Variants in SCAPER observed in about 807,000 individuals in gnomAD.
SCAPER encodes S-phase cyclin A associated protein in the ER.
SCAPER carries 98 observed loss-of-function variants against 182.2 expected under a neutral mutation model. The ratio of observed to expected loss-of-function variants is 0.54; its 90% confidence interval spans 0.46 to 0.64. SCAPER has a LOEUF of 0.64. Ranked by LOEUF, SCAPER falls within the 30% of genes least tolerant of loss-of-function variation. The pLI is 0.00. For missense variants in SCAPER, 1,432 were observed against 1,690.0 expected, an observed-to-expected ratio of 0.85 and a Z score of 2.68; for synonymous variants, 605 against 564.6, an observed-to-expected ratio of 1.07 and a Z score of -1.01.
intron 17 of SCAPER, among the ~76,000 whole-genome samples, chr15:76,711,784 G>C (rs2059588801): frequency 1.3e-5 from 2 of 151,946 alleles, no homozygotes; most frequent in South Asian, 4.1e-4. Context: ...TGATGGGGTT[G>C]TTTGTTTTTT....
At chr15:76,630,424 A>G (rs1336613654) in intron 21 of SCAPER, among the ~76,000 whole-genome samples, 2 of 151,850 alleles carry the variant, frequency 1.3e-5, no homozygotes, top group African/African-American at 4.8e-5. Context: ...TAGGTTTTTG[A>G]TGTGGGTATT....
chr15:76,800,508 C>G, intron 6 of SCAPER, 144 bp from the exon 7 acceptor site: 1 of 647,700 alleles, frequency 1.5e-6, no homozygotes, highest in Non-Finnish European at 2.7e-6. Context: ...GCAAATGTTC[C>G]CCTAGAGCAT....
intron 20 of SCAPER, among the ~76,000 whole-genome samples, chr15:76,675,512 A>G (rs1246155284): frequency 6.6e-6 from 1 of 152,214 alleles, no homozygotes; most frequent in Non-Finnish European, 1.5e-5. Context: ...AGGCTATGGA[A>G]CAGGACAAAA....
intron 23 of SCAPER, among the ~76,000 whole-genome samples, chr15:76,507,997 T>C (rs574275269): frequency 3.7e-4 from 57 of 152,326 alleles, no homozygotes; most frequent in African/African-American, 1.3e-3. Context: ...TGAAAACAAA[T>C]TGAACACATT....
chr15:76,724,573 T>C (rs558552560), intron 17 of SCAPER, among the ~76,000 whole-genome samples: 3 of 152,208 alleles, frequency 2.0e-5, no homozygotes, highest in East Asian at 3.8e-4. Context: ...CAATGAGACG[T>C]AGATTTGGTC....
At chr15:76,781,630 A>C (rs1216716556) in intron 8 of SCAPER, among the ~76,000 whole-genome samples, 3 of 152,242 alleles carry the variant, frequency 2.0e-5, no homozygotes, top group African/African-American at 7.2e-5. Flanking sequence ...TGTTAAGGGC[A>C]GCCAGAGAGA....
chr15:76,677,511 C>A (rs1378931815), intron 20 of SCAPER, among the ~76,000 whole-genome samples: 1 of 151,604 alleles, frequency 6.6e-6, no homozygotes. Flanking sequence ...CCCTAATATT[C>A]TAAAAATCAA....
At chr15:76,806,363 T>C (rs2066161645) in intron 5 of SCAPER, among the ~76,000 whole-genome samples, 1 of 152,210 alleles carries the variant, frequency 6.6e-6, no homozygotes, top group African/African-American at 2.4e-5. Flanking sequence ...ACGTATGAAT[T>C]TATTCCAAGG....
chr15:76,514,326 C>T (rs561785591), intron 23 of SCAPER, among the ~76,000 whole-genome samples: 1 of 152,298 alleles, frequency 6.6e-6, no homozygotes, highest in East Asian at 1.9e-4. Context: ...AGACTGACAA[C>T]TGACTAATAG....
Position 76,516,231 on chromosome 15 carries a change from T to C in SCAPER, c.2839-11257A>G, listed in dbSNP as rs566742736. ...TTTTAAAAAATTTTTTAAATTATAC[T>C]TTAAGTTCTGGGATACATGTGCAGA... On this transcript the variant is annotated intron_variant, in intron 23 of 31. Coordinates refer to ENST00000563290, the MANE Select transcript of SCAPER (RefSeq NM_020843.4). 2.8e-4 allele frequency among the ~76,000 whole-genome samples: 43 copies of C among 152,090 alleles called. 1 individual carries two copies. In the South Asian group the frequency reaches 8.3e-3, roughly 29 times the overall value.
At chr15:76,777,729 G>C (rs1011161380) in intron 8 of SCAPER, among the ~76,000 whole-genome samples, 6 of 151,974 alleles carry the variant, frequency 3.9e-5, no homozygotes, top group Non-Finnish European at 2.9e-5. Flanking sequence ...ATTCAAAGAA[G>C]GTTTGAAATT....
Position 76,431,676 on chromosome 15 carries a change from C to CAAAAAAAAAAAAAAAAAAAAAAAAAAAAA in SCAPER, c.3311+2401_3311+2402insTTTTTTTTTTTTTTTTTTTTTTTTTTTTT, listed in dbSNP as rs60675828. On this transcript the variant is annotated intron_variant, in intron 26 of 31. Transcript: ENST00000563290. The stretch of plus-strand genomic sequence containing the variant: ...AGAAGGCAAGTATGAAAATGATTAG[C>CAAAAAAAAAAAAAAAAAAAAAAAAAAAAA]AAAAAAAAAAAAAAAAAAAAAAAAA... 2.1e-4 allele frequency among the ~76,000 whole-genome samples: 10 copies of CAAAAAAAAAAAAAAAAAAAAAAAAAAAAA among 47,128 alleles called. 2 individuals are homozygous for CAAAAAAAAAAAAAAAAAAAAAAAAAAAAA. The highest frequency in any genetic ancestry group is 4.9e-4 in the African/African-American group (5 of 10,252). 30.9% of individuals were successfully genotyped at this position (47,128 alleles called of 152,430 possible). A position where few individuals can be genotyped will look rare whatever the true frequency, so the allele number is the denominator to read the frequency against.
At chr15:76,596,478 T>C (rs747097696) in intron 22 of SCAPER, among the ~76,000 whole-genome samples, 1 of 120,726 alleles carries the variant, frequency 8.3e-6, no homozygotes, top group Non-Finnish European at 2.0e-5. Context: ...GCCAGCATCA[T>C]CCTGATACCA....
chr15:76,475,361 C>G (rs1280608768), intron 24 of SCAPER, among the ~76,000 whole-genome samples: 1 of 150,780 alleles, frequency 6.6e-6, no homozygotes, highest in Non-Finnish European at 1.5e-5. Flanking sequence ...GAGTCTTGCT[C>G]TGTTGCCCAG....
At chr15:76,804,706 A>G in intron 5 of SCAPER, 73 bp from the exon 6 acceptor site, 10 of 929,610 alleles carry the variant, frequency 1.1e-5, no homozygotes, top group Non-Finnish European at 1.6e-5. Context: ...AAAAGAGTGA[A>G]CAACTTAAGA....
rs903146092 is a variant in SCAPER, at chr15:76,900,898, G to C, written c.-60+4401C>G. On this transcript the variant is annotated intron_variant, in intron 1 of 31. Coordinates refer to ENST00000563290, the MANE Select transcript of SCAPER (RefSeq NM_020843.4). The stretch of plus-strand genomic sequence containing the variant: ...AGAAAAATTGAGGTTTGCAATCACA[G>C]TTCCTCTCCAGGGTTCACAAAGTCT... Among the ~76,000 whole-genome samples, 19 of 152,310 alleles carry C rather than the reference G, an allele frequency of 1.2e-4. 1 individual carries two copies. The highest frequency in any genetic ancestry group is 4.1e-4 in the African/African-American group (17 of 41,562).
At chr15:76,387,345 T>G (rs2043355672) in intron 27 of SCAPER, among the ~76,000 whole-genome samples, 1 of 152,212 alleles carries the variant, frequency 6.6e-6, no homozygotes, top group Non-Finnish European at 1.5e-5. Context: ...TGAAATAAGC[T>G]TCCCAAGCAT....
At chr15:76,532,311 TTAC>T (rs2144568965) in intron 23 of SCAPER, among the ~76,000 whole-genome samples, 1 of 151,722 alleles carries the variant, frequency 6.6e-6, no homozygotes, top group African/African-American at 2.4e-5. Context: ...TCCTTTAACA[TTAC>T]CCCTCCCCTC....
chr15:76,653,420 C>T (rs1490193177), intron 21 of SCAPER, among the ~76,000 whole-genome samples: 3 of 152,214 alleles, frequency 2.0e-5, no homozygotes, highest in East Asian at 1.9e-4. Flanking sequence ...CAATCCTAAG[C>T]AAAAGAATAA....
Sources: gnomAD v4.1 joint callset for allele counts (sites outside exome capture counted in the v4.1 genomes callset) on GRCh38, gnomAD v4.1.1 for gene constraint, MANE v1.5 for transcripts, NCBI Gene and HGNC (gene_info 2026-07-23, HGNC 2026-07-21) for gene names.